UGT2B11: variants seen among roughly 807,000 people sequenced by gnomAD.
UGT2B11 encodes the protein UDP-glucuronosyltransferase 2B11.
A neutral mutation model predicts 51.7 loss-of-function variants in UGT2B11; 49 were observed. The observed-to-expected ratio is 0.95, with a 90% confidence interval of 0.75 to 1.20. The LOEUF (loss-of-function observed/expected upper bound fraction) is 1.20, where lower values mean the gene tolerates loss of function less well. UGT2B11 is among the 50% of genes most tolerant of loss of function. The probability of loss-of-function intolerance (pLI) is 0.00; values close to 1 mark genes in which losing one functional copy is unlikely to be tolerated. For synonymous variants in UGT2B11, 273 were observed against 209.0 expected (o/e 1.31, Z -2.64); for missense variants, 810 against 622.1 (o/e 1.30, Z -3.21).
chr4:69,200,781 G>A, intron 5 of UGT2B11, 62 bp from the exon 6 acceptor site: 1 of 1,472,716 alleles, frequency 6.8e-7, no homozygotes, highest in Non-Finnish European at 9.1e-7. Context: ...TACATATCAA[G>A]TCTATGAAAG....
upstream of UGT2B11, among the ~76,000 whole-genome samples, chr4:69,219,747 A>T (rs911743925): frequency 6.6e-6 from 1 of 152,166 alleles, no homozygotes; most frequent in Non-Finnish European, 1.5e-5. Flanking sequence ...AGCATGGGAA[A>T]AATGCGCTAC....
Position 69,212,648 on chromosome 4 carries a change from T to G in UGT2B11, c.795A>C (p.Gln265His). Residue 265 changes from glutamine to histidine, a missense_variant, in exon 2 of 6, where the codon CAA becomes CAC. Gln to His is a conservative substitution (Grantham distance 24, BLOSUM62 0). Coordinates refer to ENST00000446444, the MANE Select transcript of UGT2B11 (RefSeq NM_001073.3). ...CGTTTGGTAAGAATGGATGAGGAAA[T>G]TGAAAACTCCAGGAGTTTCGCATAA... ...IWLMRNSWSF[Q>H]FPHPFLPNVD... 1 of 1,610,822 alleles carries G rather than the reference T, an allele frequency of 6.2e-7. No homozygotes were observed. Among genetic ancestry groups the G allele is most frequent in the Non-Finnish European group, 8.5e-7 (1 of 1,177,844 alleles).
At chr4:69,208,797 TATA>T (rs1721953464) in intron 2 of UGT2B11, among the ~76,000 whole-genome samples, 1 of 151,590 alleles carries the variant, frequency 6.6e-6, no homozygotes, top group Admixed American at 6.6e-5. Flanking sequence ...ACCCTTCACT[TATA>T]ATACTATAAT....
chr4:69,203,876 T>C (rs920245512), intron 5 of UGT2B11, among the ~76,000 whole-genome samples: 1 of 151,512 alleles, frequency 6.6e-6, no homozygotes, highest in African/African-American at 2.4e-5. Flanking sequence ...TCATTGCAGT[T>C]TCTTTTGTGT....
At chr4:69,224,143 G>C in the UGT2B11 span, among the ~76,000 whole-genome samples, 3 of 152,128 alleles carry the variant, frequency 2.0e-5, no homozygotes, top group Non-Finnish European at 4.4e-5. Context: ...AAGAATTTAA[G>C]ACTTTTAAAT....
chr4:69,200,580 T>A lies in UGT2B11; in HGVS notation c.1450A>T (p.Thr484Ser). The stretch of plus-strand genomic sequence containing the variant: ...TCCAAAGAGTGGTACTGGAACCAGG[T>A]GAGGTCATGGGCTGCAACTCGAAGG... ...KHLRVAAHDL[T>S]WFQYHSLDVI... Residue 484 changes from threonine (T) to serine (S), a missense_variant, in exon 6 of 6, where the codon ACC becomes TCC. Thr to Ser is a moderately conservative substitution (Grantham distance 58). Coordinates refer to ENST00000446444, the MANE Select transcript of UGT2B11 (RefSeq NM_001073.3). 2.5e-6 allele frequency: 4 copies of A among 1,612,436 alleles called. No homozygotes were observed. The highest frequency in any genetic ancestry group is 3.4e-6 in the Non-Finnish European group (4 of 1,179,026).
Position 69,210,542 on chromosome 4 carries a change from C to G in UGT2B11, c.870+2031G>C, listed in dbSNP as rs143713635. 7.2e-3 allele frequency among the ~76,000 whole-genome samples: 1,088 copies of G among 151,634 alleles called. 12 individuals are homozygous for G. Among genetic ancestry groups the G allele is most frequent in the African/African-American group, 0.025 (1,039 of 41,460 alleles). On this transcript the variant is annotated intron_variant, in intron 2 of 5. Transcript: ENST00000446444. Reference sequence around the variant, plus strand: ...AGCTTTCTGCAAGTTAATAACAAGACCTAGTATTAGTAATTACCACTATTG... The same window carrying G: ...AGCTTTCTGCAAGTTAATAACAAGAGCTAGTATTAGTAATTACCACTATTG...
intron 2 of UGT2B11, among the ~76,000 whole-genome samples, chr4:69,210,812 G>T (rs114054966): frequency 6.6e-6 from 1 of 151,604 alleles, no homozygotes; most frequent in South Asian, 2.1e-4. Flanking sequence ...TCAGTTTTAT[G>T]TAAGCAAAAA....
At chr4:69,220,698 A>C in the UGT2B11 span, among the ~76,000 whole-genome samples, 3 of 151,600 alleles carry the variant, frequency 2.0e-5, no homozygotes, top group Non-Finnish European at 2.9e-5. Flanking sequence ...TCAGGGACCT[A>C]AGTGTTCAAG....
At chr4:69,203,540 G>A (rs1257208994) in intron 5 of UGT2B11, among the ~76,000 whole-genome samples, 1 of 151,626 alleles carries the variant, frequency 6.6e-6, no homozygotes, top group Non-Finnish European at 1.5e-5. Context: ...GCAAAAACAA[G>A]TATAGCAATA....
chr4:69,222,857 A>G, the UGT2B11 span, among the ~76,000 whole-genome samples: 594 of 152,270 alleles, frequency 3.9e-3, 3 homozygotes, highest in Non-Finnish European at 6.8e-3. Context: ...GGTGCCTTAT[A>G]AGCACCCAAG....
chr4:69,214,793 TC>T (rs1722214650), upstream of UGT2B11: 1 of 1,542,016 alleles, frequency 6.5e-7, no homozygotes, highest in African/African-American at 1.4e-5. Context: ...GATAAATCAA[TC>T]AAGTTAAAAT....
chr4:69,207,514 T>TTGG, intron 3 of UGT2B11, among the ~76,000 whole-genome samples: 2 of 151,720 alleles, frequency 1.3e-5, no homozygotes, highest in African/African-American at 2.4e-5. Context: ...CCCCTGCCTC[T>TTGG]CTTCCTTCTG....
At position 69,214,361 on chromosome 4, in the gene UGT2B11, T is replaced by C. The variant is rs773113447; in HGVS notation, c.362A>G (p.Asp121Gly). 2.7e-5 allele frequency: 43 copies of C among 1,612,472 alleles called. No homozygotes were observed. The highest frequency in any genetic ancestry group is 3.4e-5 in the Non-Finnish European group (40 of 1,179,362). The change falls in exon 1 of 6, where the codon GAC becomes GGC. Residue 121 changes from aspartate to glycine, a missense_variant. Coordinates refer to ENST00000446444, the MANE Select transcript of UGT2B11 (RefSeq NM_001073.3). ...ATCTTTACAGAAGTTTCTAAATATG[T>C]CATATAATTCCCACAGGATTTCTTG... ...QEQEILWELY[D>G]IFRNFCKDVV...
At chr4:69,221,852 C>G in the UGT2B11 span, among the ~76,000 whole-genome samples, 1 of 152,246 alleles carries the variant, frequency 6.6e-6, no homozygotes, top group African/African-American at 2.4e-5. Flanking sequence ...TTGCCCCAGG[C>G]ACACTCAGTC....
the UGT2B11 span, among the ~76,000 whole-genome samples, chr4:69,219,916 G>GCACTCCCAT: frequency 4.0e-5 from 6 of 151,692 alleles, 1 homozygote; most frequent in South Asian, 1.0e-3. Flanking sequence ...AACCAATCCT[G>GCACTCCCAT]CAGTTCCCCA....
upstream of UGT2B11, chr4:69,215,735 C>T (rs1399525929): frequency 6.6e-6 from 1 of 151,870 alleles, no homozygotes; most frequent in Non-Finnish European, 1.5e-5. Context: ...CTATTCTCAC[C>T]AACAATGTAT....
upstream of UGT2B11, among the ~76,000 whole-genome samples, chr4:69,219,382 C>T (rs1042921588): frequency 2.0e-5 from 3 of 151,994 alleles, no homozygotes; most frequent in South Asian, 2.1e-4. Flanking sequence ...TATATTCGCC[C>T]GTTCTGTAAG....
chr4:69,221,698 A>G, the UGT2B11 span, among the ~76,000 whole-genome samples: 1 of 152,212 alleles, frequency 6.6e-6, no homozygotes, highest in South Asian at 2.1e-4. Context: ...TTCCTCGGAT[A>G]GAAACAGACT....
Sources: allele counts gnomAD v4.1 joint callset (sites outside exome capture counted in the v4.1 genomes callset), GRCh38; gene constraint gnomAD v4.1.1; transcripts MANE v1.5; gene names NCBI Gene and HGNC (gene_info 2026-07-23, HGNC 2026-07-21).